Variants in GLIPR2 observed in about 807,000 individuals in gnomAD.
GLIPR2 encodes the protein Golgi-associated plant pathogenesis-related protein 1.
Under a neutral mutation model 20.4 loss-of-function variants are expected in GLIPR2, and 21 were observed. The ratio of observed to expected loss-of-function variants is 1.03; its 90% confidence interval spans 0.73 to 1.48. The LOEUF is 1.48. Ranked by LOEUF, GLIPR2 falls within the 40% of genes most tolerant of loss-of-function variation. The pLI is 0.00. For missense variants in GLIPR2, 205 were observed against 200.1 expected (o/e 1.02, Z -0.15); for synonymous variants, 91 against 80.5 (o/e 1.13, Z -0.70).
At chr9:36,150,554 G>T (rs1825531372) in intron 3 of GLIPR2, among the ~76,000 whole-genome samples, 1 of 152,208 alleles carries the variant, frequency 6.6e-6, no homozygotes. Flanking sequence ...ATTGTACAGA[G>T]GCCCAGAGAG....
Position 36,161,440 on chromosome 9 carries a change from T to C in GLIPR2, c.305-922T>C, listed in dbSNP as rs1334408565. 2.0e-5 allele frequency among the ~76,000 whole-genome samples: 3 copies of C among 151,738 alleles called. No homozygotes were observed. In the East Asian group the frequency reaches 5.8e-4, roughly 29 times the overall value. The stretch of plus-strand genomic sequence containing the variant: ...TATGTCTGGAACACAGAGCAGTGAT[T>C]TGAGCTGGAGAAATAAATTTGGGAG... On this transcript the variant is annotated intron_variant, in intron 4 of 4. Transcript: ENST00000377960.
At position 36,162,885 on chromosome 9, in the gene GLIPR2, T is replaced by C. The variant is rs764413457; in HGVS notation, c.*363T>C. 2.1e-6 allele frequency: 1 copy of C among 465,380 alleles called. No individual in the cohort carries two copies. 28.8% of individuals were successfully genotyped at this position (465,380 alleles called of 1,614,324 possible). A position where few individuals can be genotyped will look rare whatever the true frequency, so the allele number is the denominator to read the frequency against. On this transcript the variant is annotated 3_prime_UTR_variant, in exon 5 of 5. Coordinates refer to ENST00000377960, the MANE Select transcript of GLIPR2 (RefSeq NM_022343.4). ...TTTGTATTCCAAATGTTTGTGATGC[T>C]GAGAAGTGAAGTTCATTTTATGTGA...
chr9:36,136,729 G>A (rs1052812010), upstream of GLIPR2: 14 of 1,203,912 alleles, frequency 1.2e-5, no homozygotes, highest in African/African-American at 1.9e-4. This position sits in a 1 kb window ranked among gnomAD's most constrained non-coding sequence, Gnocchi z 4.3. Context: ...TGGGCCGGGC[G>A]AGCGCAGTGC....
intron 4 of GLIPR2, 119 bp downstream of exon 4, chr9:36,151,068 T>G: frequency 5.6e-6 from 4 of 713,536 alleles, no homozygotes; most frequent in East Asian, 2.7e-5. Context: ...GTTTAATCTC[T>G]TCCATATTTC....
At chr9:36,136,560 C>T, upstream of GLIPR2, 1 of 354,866 alleles carries the variant, frequency 2.8e-6, no homozygotes, top group Non-Finnish European at 5.0e-6. The surrounding 1 kb of genome is among the most constrained non-coding windows in gnomAD (Gnocchi z 4.3). Flanking sequence ...GAGCCCTCGG[C>T]AGTCGCGGAG....
At chr9:36,144,928 G>C (rs1366153835) in intron 1 of GLIPR2, 1 of 152,216 alleles carries the variant, frequency 6.6e-6, no homozygotes, top group Non-Finnish European at 1.5e-5. Flanking sequence ...GATTTGACTT[G>C]GCCCAGGAGA....
chr9:36,163,668 G>T lies in GLIPR2; in HGVS notation c.*1146G>T, dbSNP rs7874174. On this transcript the variant is annotated 3_prime_UTR_variant, in exon 5 of 5. Coordinates refer to ENST00000377960, the MANE Select transcript of GLIPR2 (RefSeq NM_022343.4). ...TGAATAGCAACTTTACAAGGTCCAT[G>T]TGGGAGGGACCAACCCAGATGCCCT... 11,788 of 152,744 alleles carry T rather than the reference G, an allele frequency of 0.077. 1,477 individuals are homozygous for T. The highest frequency in any genetic ancestry group is 0.26 in the African/African-American group (10,980 of 41,550). The allele number at this position is 152,744 out of a possible 1,614,324, so 9.5% of individuals were successfully genotyped here.
Position 36,162,479 on chromosome 9 carries a change from A to G in GLIPR2, c.422A>G (p.Asn141Ser). The G allele has an allele frequency of 1.2e-6, 2 of 1,614,182 alleles. No individual in the cohort carries two copies. The highest frequency in any genetic ancestry group is 2.2e-5 in the East Asian group (1 of 44,880). ...TACTTCCCAGCGGGGAATGTTGTCAATGAGGGCTTCTTCGAAGAAAACGTC... is the reference window on the plus strand; with the variant it reads ...TACTTCCCAGCGGGGAATGTTGTCAGTGAGGGCTTCTTCGAAGAAAACGTC... ...ARYFPAGNVV[N>S]EGFFEENVLP... is the part of the protein sequence containing the mutation. The change falls in exon 5 of 5, where the codon AAT (asparagine) becomes AGT (serine). Residue 141 changes from asparagine to serine, a missense_variant. Transcript: ENST00000377960.
At position 36,150,867 on chromosome 9, in the gene GLIPR2, CA is replaced by C; in HGVS notation, c.227-4del. Reference sequence around the variant, plus strand: ...GAGTTTTAGAACAATGTCATTTCCACACAGGAAAGGAGGTGGCTGATAGATG... The same window carrying C: ...GAGTTTTAGAACAATGTCATTTCCACCAGGAAAGGAGGTGGCTGATAGATG... On this transcript the variant is annotated splice_polypyrimidine_tract_variant and splice_region_variant and intron_variant, in intron 3 of 4. Coordinates refer to ENST00000377960, the MANE Select transcript of GLIPR2 (RefSeq NM_022343.4). The C allele has an allele frequency of 6.2e-7, 1 of 1,605,530 alleles. No homozygotes were observed. Among genetic ancestry groups the C allele is most frequent in the Non-Finnish European group, 8.5e-7 (1 of 1,173,088 alleles).
intron 1 of GLIPR2, among the ~76,000 whole-genome samples, chr9:36,139,349 A>C (rs1470979400): frequency 6.6e-6 from 1 of 151,930 alleles, no homozygotes; most frequent in African/African-American, 2.4e-5. Flanking sequence ...CAGAATTCTG[A>C]CCCAGGCCTT....
intron 1 of GLIPR2, among the ~76,000 whole-genome samples, chr9:36,137,574 G>A (rs545047559): frequency 2.0e-5 from 3 of 152,308 alleles, no homozygotes; most frequent in African/African-American, 7.2e-5. Flanking sequence ...GAGCCCATCT[G>A]TGATTCCCCC....
intron 1 of GLIPR2, among the ~76,000 whole-genome samples, chr9:36,141,187 A>C (rs994985373): frequency 6.6e-6 from 1 of 152,196 alleles, no homozygotes; most frequent in Non-Finnish European, 1.5e-5. Flanking sequence ...TGTGAGGTAG[A>C]TACTGCTGTT....
chr9:36,151,359 G>T (rs1825576644), intron 4 of GLIPR2, among the ~76,000 whole-genome samples: 1 of 152,084 alleles, frequency 6.6e-6, no homozygotes, highest in African/African-American at 2.4e-5. Flanking sequence ...CCCTGCCCCT[G>T]GTGCTCTCCT....
chr9:36,148,614 G>C lies in GLIPR2; in HGVS notation c.190G>C (p.Gly64Arg). 1 of 1,613,956 alleles carries C rather than the reference G, an allele frequency of 6.2e-7. No individual in the cohort carries two copies. Among genetic ancestry groups the C allele is most frequent in the Non-Finnish European group, 8.5e-7 (1 of 1,179,840 alleles). Residue 64 changes from glycine to arginine, a missense_variant, in exon 3 of 5, where the codon GGG becomes CGG. Coordinates refer to ENST00000377960, the MANE Select transcript of GLIPR2 (RefSeq NM_022343.4). The part of the protein sequence containing the change: ...HSPESSRGQC[G>R]ENLAWASYDQ... The stretch of plus-strand genomic sequence containing the variant: ...CCCGGAGTCCAGCCGTGGCCAGTGT[G>C]GGGAGAACCTTGCATGGGCATCCTA...
intron 4 of GLIPR2, among the ~76,000 whole-genome samples, chr9:36,157,183 ATTT>A (rs550973713): frequency 0.22 from 28,483 of 130,428 alleles, 2,973 homozygotes; most frequent in South Asian, 0.3. Context: ...TGCCCAGCTA[ATTT>A]TTTTTTTTTT....
At chr9:36,140,940 C>A (rs1412188299) in intron 1 of GLIPR2, among the ~76,000 whole-genome samples, 1 of 152,072 alleles carries the variant, frequency 6.6e-6, no homozygotes, top group East Asian at 1.9e-4. Flanking sequence ...TAGCAAATAT[C>A]CAAGCTCAGA....
At chr9:36,153,967 C>T (rs944948153) in intron 4 of GLIPR2, among the ~76,000 whole-genome samples, 3 of 151,468 alleles carry the variant, frequency 2.0e-5, no homozygotes, top group African/African-American at 7.3e-5. Flanking sequence ...ACCCCCAGCC[C>T]CACCCAGGCC....
intron 4 of GLIPR2, among the ~76,000 whole-genome samples, chr9:36,155,766 TC>T (rs1231047417): frequency 6.6e-6 from 1 of 152,110 alleles, no homozygotes; most frequent in Non-Finnish European, 1.5e-5. Flanking sequence ...TCTCCTACTT[TC>T]TTTTTTTAAT....
intron 4 of GLIPR2, among the ~76,000 whole-genome samples, chr9:36,156,295 G>A (rs1186347070): frequency 6.7e-6 from 1 of 150,244 alleles, no homozygotes; most frequent in Non-Finnish European, 1.5e-5. Context: ...GCTGACGTGG[G>A]AGGATTGCTT....
Sources: gnomAD v4.1 joint callset for allele counts (sites outside exome capture counted in the v4.1 genomes callset) on GRCh38, gnomAD v4.1.1 for gene constraint, Gnocchi (gnomAD v3.1) non-coding constraint, MANE v1.5 for transcripts, NCBI Gene and HGNC (gene_info 2026-07-23, HGNC 2026-07-21) for gene names.